Variants in KCTD13 observed in about 807,000 individuals in gnomAD.
KCTD13 encodes the protein potassium channel tetramerization domain containing 13, also known as BTB/POZ domain-containing adapter for CUL3-mediated RhoA degradation protein 1.
A neutral mutation model predicts 32.3 loss-of-function variants in KCTD13; 15 were observed. That is an observed-to-expected ratio of 0.46 (90% CI 0.31 to 0.71). The LOEUF is 0.71. Among genes scored for constraint, KCTD13 ranks in the 30% least tolerant of loss-of-function variants. KCTD13 has a pLI of 0.05. For synonymous variants in KCTD13, 189 were observed against 200.1 expected, an observed-to-expected ratio of 0.94 and a Z score of 0.47; for missense variants, 337 against 452.6, an observed-to-expected ratio of 0.74 and a Z score of 2.32.
In KCTD13 at chr16:29,911,405, GA is replaced by G. The variant is rs2068706715; in HGVS notation, c.558-233del. The G allele has an allele frequency of 5.3e-6, 3 of 566,584 alleles. No homozygotes were observed. The South Asian group carries it at 6.9e-5, about 13-fold the overall frequency. 35.1% of individuals were successfully genotyped at this position (566,584 alleles called of 1,614,324 possible). On this transcript the variant is annotated intron_variant, in intron 4 of 5. Coordinates refer to ENST00000568000, the MANE Select transcript of KCTD13 (RefSeq NM_178863.5). The stretch of plus-strand genomic sequence containing the variant: ...CACAGCAGCTCCAGTGAGGGACCGG[GA>G]GCCAGGCCACCTCCCCGGGGGTCCT...
intron 2 of KCTD13, chr16:29,921,939 C>G (rs1403371026): frequency 6.6e-6 from 1 of 152,192 alleles, no homozygotes. Flanking sequence ...CCATTGCACT[C>G]CAGCCTGGGC....
intron 2 of KCTD13, chr16:29,915,334 A>C (rs1360386987): frequency 6.6e-6 from 1 of 152,202 alleles, no homozygotes; most frequent in African/African-American, 2.4e-5. Flanking sequence ...GGTTCACTAC[A>C]TTAGAAAAAA....
rs2068997874 is a variant in KCTD13 at position 29,926,225 on chromosome 16, C to T, written c.-192G>A. 1.2e-5 allele frequency: 7 copies of T among 578,654 alleles called. No individual in the cohort carries two copies. Among genetic ancestry groups the T allele is most frequent in the Non-Finnish European group, 1.9e-5 (7 of 368,412 alleles). 35.8% of individuals were successfully genotyped at this position (578,654 alleles called of 1,614,324 possible). On this transcript the variant is annotated 5_prime_UTR_variant, in exon 1 of 6. Coordinates refer to ENST00000568000, the MANE Select transcript of KCTD13 (RefSeq NM_178863.5). ...CCACCCGGAAGCCGGCGCCGGGCAG[C>T]TGCGCAGGCGCGGCCCCGCCCCTGA...
At chr16:29,922,251 CTTTGGGCTTCAAGAACCAG>C in intron 2 of KCTD13, 1 of 151,978 alleles carries the variant, frequency 6.6e-6, no homozygotes. Flanking sequence ...AGTTCTACAC[CTTTGGGCTTCAAGAACCAG>C]TAAGTATTCC....
Position 29,926,016 on chromosome 16 carries a change from C to A in KCTD13, c.18G>T (p.Ser6=), listed in dbSNP as rs758029416. The change falls in exon 1 of 6, where the codon TCG becomes TCT. Residue 6 remains serine (S), a synonymous_variant. Coordinates refer to ENST00000568000, the MANE Select transcript of KCTD13 (RefSeq NM_178863.5). MSAEA[S]GPAAAAAPSL... ...ACGGGGCCGCGGCGGCAGCCGGGCC[C>A]GAGGCCTCCGCCGACATGCCGGGTA... 1.3e-6 allele frequency: 2 copies of A among 1,544,906 alleles called. No homozygotes were observed. The highest frequency in any genetic ancestry group is 2.8e-5 in the African/African-American group (2 of 71,440).
intron 2 of KCTD13, among the ~76,000 whole-genome samples, chr16:29,917,081 A>G (rs891995243): frequency 5.3e-5 from 8 of 152,132 alleles, no homozygotes; most frequent in African/African-American, 1.7e-4. Context: ...GCAATGTCCT[A>G]TTGGTCATAC....
At chr16:29,911,277 G>A in intron 4 of KCTD13, 104 bp from the exon 5 acceptor site, 1 of 892,472 alleles carries the variant, frequency 1.1e-6, no homozygotes, top group Non-Finnish European at 1.7e-6. Flanking sequence ...CTCCTGCCCA[G>A]GGCTTTGGTG....
Position 29,912,414 on chromosome 16 carries a change from C to G in KCTD13, c.415-365G>C. The G allele has an allele frequency of 8.7e-6, 3 of 346,360 alleles. No homozygotes were observed. In the South Asian group the frequency reaches 1.1e-4, roughly 13 times the overall value. 21.5% of individuals were successfully genotyped at this position (346,360 alleles called of 1,614,324 possible). On this transcript the variant is annotated intron_variant, in intron 2 of 5. Coordinates refer to ENST00000568000, the MANE Select transcript of KCTD13 (RefSeq NM_178863.5). The stretch of plus-strand genomic sequence containing the variant: ...CAGCCCCCCTGGCTAAAACAGCCTC[C>G]TCTACATCCTGCCTTTTGTGTTATC...
At position 29,921,649 on chromosome 16, in the gene KCTD13, G is replaced by C. The variant is rs1025177733; in HGVS notation, c.414+1541C>G. On this transcript the variant is annotated intron_variant, in intron 2 of 5. Transcript: ENST00000568000. ...ATTAGTAAATTTAAAACTACAGGCC[G>C]GGTTTTAAAACTTTAGTTTTAACAT... 2.0e-5 allele frequency: 3 copies of C among 152,024 alleles called. No homozygotes were observed. In the East Asian group the frequency reaches 5.8e-4, roughly 29 times the overall value. The allele number at this position is 152,024 out of a possible 1,614,324, so 9.4% of individuals were successfully genotyped here. A position where few individuals can be genotyped will look rare whatever the true frequency, so the allele number is the denominator to read the frequency against.
chr16:29,906,468 T>G lies in KCTD13; in HGVS notation c.*404A>C, dbSNP rs1360154966. The G allele has an allele frequency of 8.7e-6, 4 of 461,154 alleles. No homozygotes were observed. Among genetic ancestry groups the G allele is most frequent in the Non-Finnish European group, 1.3e-5 (3 of 231,158 alleles). 28.6% of individuals were successfully genotyped at this position (461,154 alleles called of 1,614,324 possible). On this transcript the variant is annotated 3_prime_UTR_variant, in exon 6 of 6. Coordinates refer to ENST00000568000, the MANE Select transcript of KCTD13 (RefSeq NM_178863.5). ...TACAAAGTTAAGGAGGTAGGGAGGA[T>G]GGTGGGGAGGAGGGGGCGGACTACC... is the stretch of plus-strand genomic sequence containing the variant.
At chr16:29,922,326 G>A (rs964402548) in intron 2 of KCTD13, 3 of 151,764 alleles carry the variant, frequency 2.0e-5, no homozygotes, top group Non-Finnish European at 4.4e-5. Flanking sequence ...ATCTATAAAG[G>A]GCATTCAAAA....
intron 5 of KCTD13, 71 bp downstream of exon 5, chr16:29,910,907 A>G (rs2068695542): frequency 6.8e-7 from 1 of 1,460,708 alleles, no homozygotes; most frequent in East Asian, 2.3e-5. Flanking sequence ...TCCCCTGCCA[A>G]CCTGCTTTTG....
In KCTD13 at chr16:29,923,324, C is replaced by T; in HGVS notation, c.280G>A (p.Gly94Ser). ...VLIDRSGRHF[G>S]TILNYLRDGS... is the part of the protein sequence containing the mutation. The stretch of plus-strand genomic sequence containing the variant: ...TCCCGCAGGTAATTGAGGATTGTAC[C>T]AAAGTGACGGCCGCTCCGGTCAATC... Residue 94 changes from glycine (G) to serine (S), a missense_variant, in exon 2 of 6, where the codon GGT becomes AGT. Coordinates refer to ENST00000568000, the MANE Select transcript of KCTD13 (RefSeq NM_178863.5). 1 of 1,614,102 alleles carries T rather than the reference C, an allele frequency of 6.2e-7. No individual in the cohort carries two copies. The highest frequency in any genetic ancestry group is 8.5e-7 in the Non-Finnish European group (1 of 1,180,018).
Position 29,906,468 on chromosome 16 carries a change from T to C in KCTD13, c.*404A>G. On this transcript the variant is annotated 3_prime_UTR_variant, in exon 6 of 6. Transcript: ENST00000568000. Reference sequence around the variant, plus strand: ...TACAAAGTTAAGGAGGTAGGGAGGATGGTGGGGAGGAGGGGGCGGACTACC... The same window carrying C: ...TACAAAGTTAAGGAGGTAGGGAGGACGGTGGGGAGGAGGGGGCGGACTACC... 1 of 461,272 alleles carries C rather than the reference T, an allele frequency of 2.2e-6. No individual in the cohort carries two copies. Among genetic ancestry groups the C allele is most frequent in the Admixed American group, 2.3e-5 (1 of 42,612 alleles). 28.6% of individuals were successfully genotyped at this position (461,272 alleles called of 1,614,324 possible).
At chr16:29,916,480 C>T (rs1009586957) in intron 2 of KCTD13, among the ~76,000 whole-genome samples, 1 of 152,238 alleles carries the variant, frequency 6.6e-6, no homozygotes, top group African/African-American at 2.4e-5. Context: ...GTTACTTCTA[C>T]ATTTGAGGTT....
At position 29,923,201 on chromosome 16, in the gene KCTD13, G is replaced by A. The variant is rs2068941576; in HGVS notation, c.403C>T (p.Leu135=). 1 of 1,614,080 alleles carries A rather than the reference G, an allele frequency of 6.2e-7. No homozygotes were observed. The highest frequency in any genetic ancestry group is 1.3e-5 in the African/African-American group (1 of 74,944). ...LVQGLIEDCQ[L]ALQQKRETLS... ...CCGAAGGCCCTCACCTGCAGCGCCA[G>A]CTGGCAGTCCTCAATCAGGCCCTGC... Residue 135 remains leucine, a synonymous_variant, in exon 2 of 6, where the codon CTG becomes TTG. Coordinates refer to ENST00000568000, the MANE Select transcript of KCTD13 (RefSeq NM_178863.5).
intron 5 of KCTD13, among the ~76,000 whole-genome samples, chr16:29,908,852 CCAGTT>C (rs1396084909): frequency 4.0e-5 from 6 of 151,646 alleles, no homozygotes; most frequent in Admixed American, 2.0e-4. Context: ...ACCACTATGT[CCAGTT>C]AATTTTTTTT....
chr16:29,907,194 C>T (rs1009525508), intron 5 of KCTD13, 86 bp from the exon 6 acceptor site: 3 of 901,020 alleles, frequency 3.3e-6, no homozygotes, highest in South Asian at 3.2e-5. Context: ...TGCACCAACA[C>T]ACCTCCTAGC....
At chr16:29,911,592 A>C in intron 4 of KCTD13, 1 of 598,278 alleles carries the variant, frequency 1.7e-6, no homozygotes, top group Non-Finnish European at 3.0e-6. Context: ...GCTCGCCACT[A>C]TCACTTTGTC....
Sources: allele counts gnomAD v4.1 joint callset (sites outside exome capture counted in the v4.1 genomes callset), GRCh38; gene constraint gnomAD v4.1.1; transcripts MANE v1.5; gene names NCBI Gene and HGNC (gene_info 2026-07-23, HGNC 2026-07-21).